KIF1B: variants seen among roughly 807,000 people sequenced by gnomAD.
KIF1B encodes the protein kinesin-like protein KIF1B.
In KIF1B, 76 loss-of-function variants were observed where a neutral mutation model predicts 241.9. The ratio of observed to expected loss-of-function variants is 0.31; its 90% CI spans 0.26 to 0.38. The LOEUF is 0.38. KIF1B is among the 10% of genes least tolerant of loss of function. The pLI, the probability that KIF1B is intolerant of heterozygous loss-of-function variation, is 1.00. For missense variants in KIF1B, 1,622 were observed against 2,271.4 expected, an observed-to-expected ratio of 0.71 and a Z score of 5.81; for synonymous variants, 750 against 796.7, an observed-to-expected ratio of 0.94 and a Z score of 0.99.
At chr1:10,324,118 C>A in intron 25 of KIF1B, 56 bp downstream of exon 25, 2 of 1,535,936 alleles carry the variant, frequency 1.3e-6, no homozygotes, top group Non-Finnish European at 9.0e-7. Context: ...CAATGACCTG[C>A]TCAAGTGAGC....
chr1:10,272,957 C>A, intron 9 of KIF1B, 57 bp from the exon 10 acceptor site: 1 of 1,412,054 alleles, frequency 7.1e-7, no homozygotes, highest in Non-Finnish European at 9.7e-7. Flanking sequence ...ATCTAATTTT[C>A]TACTTGGAGG....
intron 1 of KIF1B, among the ~76,000 whole-genome samples, chr1:10,227,208 G>A (rs1646920744): frequency 6.6e-6 from 1 of 151,658 alleles, no homozygotes; most frequent in Non-Finnish European, 1.5e-5. Context: ...GCTAATTTTT[G>A]TGCTTTAGTA....
Position 10,323,981 on chromosome 1 carries a change from C to T in KIF1B, c.2456C>T (p.Pro819Leu), listed in dbSNP as rs1651621868. 2 of 1,614,120 alleles carry T rather than the reference C, an allele frequency of 1.2e-6. No homozygotes were observed. The highest frequency in any genetic ancestry group is 4.5e-5 in the East Asian group (2 of 44,884). The change falls in exon 25 of 49, where the codon CCT (proline) becomes CTT (leucine). Residue 819 changes from proline (P) to leucine (L), a missense_variant. This residue lies in a region of KIF1B where 803 missense variants were observed against 1,112.0 expected (regional missense o/e 0.72). Transcript: ENST00000676179. ...ATGGAAAAAACTCATGAGGACAGGCCTTTCCCTCGCACAGTGGTAGCAGTA... is the reference window on the plus strand; with the variant it reads ...ATGGAAAAAACTCATGAGGACAGGCTTTTCCCTCGCACAGTGGTAGCAGTA... ...TEMEKTHEDR[P>L]FPRTVVAVEV... is the part of the protein sequence containing the mutation.
Position 10,379,769 on chromosome 1 carries a change from G to A in KIF1B, c.*3182G>A. On this transcript the variant is annotated 3_prime_UTR_variant, in exon 49 of 49. Transcript: ENST00000676179. ...AAAGCAAAATATGGCCTCACCACCAGCCCCAAATCAGTGCTCAGACCCTCT... is the reference window on the plus strand; with the variant it reads ...AAAGCAAAATATGGCCTCACCACCAACCCCAAATCAGTGCTCAGACCCTCT... The A allele has an allele frequency of 4.3e-6, 1 of 230,942 alleles. No individual in the cohort carries two copies. Among genetic ancestry groups the A allele is most frequent in the Admixed American group, 5.6e-5 (1 of 17,706 alleles). 14.3% of individuals were successfully genotyped at this position (230,942 alleles called of 1,614,324 possible). A position where few individuals can be genotyped will look rare whatever the true frequency, so the allele number is the denominator to read the frequency against.
intron 22 of KIF1B, among the ~76,000 whole-genome samples, chr1:10,311,212 A>G (rs980820806): frequency 2.1e-5 from 3 of 140,694 alleles, no homozygotes; most frequent in African/African-American, 5.4e-5. Context: ...CCTACCTCCC[A>G]TTCTTTTTTT....
Position 10,377,668 on chromosome 1 carries a change from G to A in KIF1B, c.*1081G>A, listed in dbSNP as rs1428644320. On this transcript the variant is annotated 3_prime_UTR_variant, in exon 49 of 49. Transcript: ENST00000676179. ...GATAATGCCGGGCAGGCCGGGCACA[G>A]TGGCTCACGCCTGTAATCCAAGCAC... 1 of 194,234 alleles carries A rather than the reference G, an allele frequency of 5.1e-6. No individual in the cohort carries two copies. The highest frequency in any genetic ancestry group is 2.3e-5 in the African/African-American group (1 of 43,162). The allele number at this position is 194,234 out of a possible 1,614,324, so 12.0% of individuals were successfully genotyped here.
At chr1:10,366,314 G>A (rs1437138314) in intron 43 of KIF1B, among the ~76,000 whole-genome samples, 4 of 152,190 alleles carry the variant, frequency 2.6e-5, no homozygotes, top group Non-Finnish European at 5.9e-5. Flanking sequence ...ATATAATAGA[G>A]ATGTGTGTTT....
intron 15 of KIF1B, among the ~76,000 whole-genome samples, chr1:10,283,812 GTCT>G (rs1649553841): frequency 6.6e-6 from 1 of 152,256 alleles, no homozygotes; most frequent in African/African-American, 2.4e-5. Flanking sequence ...CCAGCCAGCA[GTCT>G]TCTTCACAGT....
rs1481275385 is a variant in KIF1B at position 10,279,131 on chromosome 1, A to G, written c.1215A>G (p.Gly405=). Reference sequence around the variant, plus strand: ...TGATCGATGATTACTCTGGAAGTGGAAGCAAATGTGTGTATTTCACATATT... The same window carrying G: ...TGATCGATGATTACTCTGGAAGTGGGAGCAAATGTGTGTATTTCACATATT... The part of the protein sequence containing the change: ...DPLIDDYSGS[G]SKYLKDFQNN... Residue 405 remains glycine, a synonymous_variant, in exon 14 of 49, where the codon GGA becomes GGG. Transcript: ENST00000676179. The G allele has an allele frequency of 6.5e-6, 10 of 1,539,414 alleles. No homozygotes were observed. The highest frequency in any genetic ancestry group is 8.8e-6 in the Non-Finnish European group (10 of 1,139,032).
intron 23 of KIF1B, among the ~76,000 whole-genome samples, chr1:10,320,531 T>G (rs1317445051): frequency 6.6e-6 from 1 of 152,188 alleles, no homozygotes. Flanking sequence ...ATCATATTGC[T>G]TAGTCATGTT....
At chr1:10,308,052 C>T (rs1440463171) in intron 22 of KIF1B, 13 of 1,058,288 alleles carry the variant, frequency 1.2e-5, no homozygotes, top group Non-Finnish European at 1.5e-5. Flanking sequence ...CTGAATTTTT[C>T]ACACCTATGT....
At chr1:10,338,226 C>T (rs1348630731) in intron 31 of KIF1B, among the ~76,000 whole-genome samples, 1 of 152,214 alleles carries the variant, frequency 6.6e-6, no homozygotes, top group Non-Finnish European at 1.5e-5. Flanking sequence ...CAGTTTGCCA[C>T]TGGTGCCACC....
intron 1 of KIF1B, among the ~76,000 whole-genome samples, chr1:10,224,809 A>T (rs1202877555): frequency 6.6e-6 from 1 of 152,172 alleles, no homozygotes; most frequent in Non-Finnish European, 1.5e-5. Context: ...AAAAATAACT[A>T]TTGTATTCAA....
intron 22 of KIF1B, among the ~76,000 whole-genome samples, chr1:10,318,601 C>T (rs1224368237): frequency 2.0e-5 from 3 of 147,118 alleles, no homozygotes; most frequent in Admixed American, 1.3e-4. Context: ...CACCTGTAGT[C>T]CCAGCTACTG....
Position 10,323,932 on chromosome 1 carries a change from C to G in KIF1B, c.2407C>G (p.Pro803Ala). 1 of 1,614,110 alleles carries G rather than the reference C, an allele frequency of 6.2e-7. No homozygotes were observed. The highest frequency in any genetic ancestry group is 8.5e-7 in the Non-Finnish European group (1 of 1,179,948). ...LLTDTLYSPL[P>A]PELLPTEMEK... ...GACTGACACACTGTACTCCCCTTTG[C>G]CTCCTGAATTACTTCCCACTGAGAT... Residue 803 changes from proline (P) to alanine (A), a missense_variant, in exon 25 of 49, where the codon CCT becomes GCT. This residue lies in a region of KIF1B where 803 missense variants were observed against 1,112.0 expected (regional missense o/e 0.72). Transcript: ENST00000676179.
At chr1:10,248,990 A>G (rs1647298977) in intron 2 of KIF1B, among the ~76,000 whole-genome samples, 1 of 152,222 alleles carries the variant, frequency 6.6e-6, no homozygotes, top group South Asian at 2.1e-4. Context: ...GTAAAACAAT[A>G]TGAAGTCTAT....
At chr1:10,288,765 A>G (rs79559526) in intron 15 of KIF1B, among the ~76,000 whole-genome samples, 1 of 151,690 alleles carries the variant, frequency 6.6e-6, no homozygotes, top group African/African-American at 2.4e-5. Flanking sequence ...CCAAACTCAT[A>G]TACTACTTTG....
intron 1 of KIF1B, among the ~76,000 whole-genome samples, chr1:10,221,094 C>CTTTTT (rs34039054): frequency 2.8e-4 from 26 of 94,256 alleles, no homozygotes; most frequent in African/African-American, 3.9e-4. Flanking sequence ...CAGAAAGAAG[C>CTTTTT]TTTTTTTTTT....
intron 37 of KIF1B, among the ~76,000 whole-genome samples, chr1:10,349,429 C>T (rs1402520857): frequency 1.4e-5 from 2 of 138,812 alleles, no homozygotes; most frequent in East Asian, 2.1e-4. Context: ...AGTGGGACTC[C>T]GTCTCAAAAA....
Sources: allele counts gnomAD v4.1 joint callset (sites outside exome capture counted in the v4.1 genomes callset), GRCh38; gene constraint gnomAD v4.1.1; regional missense constraint gnomAD v4.1.1; transcripts MANE v1.5; gene names NCBI Gene and HGNC (gene_info 2026-07-23, HGNC 2026-07-21).